The following PPP2R3A variants were observed in gnomAD, a reference collection of about 807,000 sequenced individuals.
PPP2R3A encodes the protein protein phosphatase 2 regulatory subunit B''alpha.
Under a neutral mutation model 106.9 loss-of-function variants are expected in PPP2R3A, and 80 were observed. The observed-to-expected ratio is 0.75, with a 90% CI of 0.62 to 0.90. The LOEUF is 0.90. Among genes scored for constraint, PPP2R3A ranks in the 40% least tolerant of loss-of-function variants. The pLI is 0.00. For missense variants in PPP2R3A, 1,386 were observed against 1,350.4 expected, an observed-to-expected ratio of 1.03 and a Z score of -0.41; for synonymous variants, 483 against 468.3, an observed-to-expected ratio of 1.03 and a Z score of -0.41.
chr3:136,057,772 G>C (rs916173807), intron 5 of PPP2R3A, among the ~76,000 whole-genome samples: 5 of 152,082 alleles, frequency 3.3e-5, no homozygotes, highest in Admixed American at 2.0e-4. Context: ...TGTTAGAATG[G>C]TTATTATCAA....
At chr3:136,090,866 G>T (rs1016108542) in intron 10 of PPP2R3A, among the ~76,000 whole-genome samples, 199 bp downstream of exon 10, 5 of 152,224 alleles carry the variant, frequency 3.3e-5, no homozygotes, top group Non-Finnish European at 5.9e-5. Flanking sequence ...CAAGAGAAGT[G>T]CTGTTACCCA....
At chr3:136,121,031 AT>A (rs1429539764) in intron 13 of PPP2R3A, among the ~76,000 whole-genome samples, 1 of 152,164 alleles carries the variant, frequency 6.6e-6, no homozygotes, top group Non-Finnish European at 1.5e-5. Flanking sequence ...CAGTTTGGAT[AT>A]TTTTCAAGGA....
At chr3:136,142,343 T>TC (rs1158466740) in intron 13 of PPP2R3A, among the ~76,000 whole-genome samples, 10 of 152,188 alleles carry the variant, frequency 6.6e-5, no homozygotes, top group Admixed American at 2.0e-4. Context: ...CAGACATGTC[T>TC]CCAGACATGC....
intron 5 of PPP2R3A, among the ~76,000 whole-genome samples, chr3:136,067,841 C>T (rs562171587): frequency 3.3e-5 from 5 of 152,284 alleles, no homozygotes; most frequent in South Asian, 2.1e-4. Flanking sequence ...ACAAAAGGTT[C>T]GTATACCAGA....
intron 1 of PPP2R3A, among the ~76,000 whole-genome samples, chr3:135,970,364 T>C (rs1371870082): frequency 6.6e-6 from 1 of 152,238 alleles, no homozygotes; most frequent in African/African-American, 2.4e-5. Context: ...AAAAGTTTTA[T>C]TTACTTGTAT....
At chr3:136,009,624 A>G (rs1178620677) in intron 2 of PPP2R3A, among the ~76,000 whole-genome samples, 1 of 152,128 alleles carries the variant, frequency 6.6e-6, no homozygotes, top group Admixed American at 6.5e-5. Context: ...TTACCTGGAC[A>G]CTTGATAGAA....
intron 13 of PPP2R3A, among the ~76,000 whole-genome samples, chr3:136,128,171 C>T (rs1214459110): frequency 1.6e-4 from 25 of 152,072 alleles, no homozygotes; most frequent in Non-Finnish European, 3.2e-4. Flanking sequence ...CAGTATTAAC[C>T]TTAAATATAA....
intron 1 of PPP2R3A, among the ~76,000 whole-genome samples, chr3:135,999,365 T>G (rs1465838278): frequency 6.6e-6 from 1 of 152,150 alleles, no homozygotes; most frequent in Non-Finnish European, 1.5e-5. Flanking sequence ...AGCTTTCTCT[T>G]AGACGCAGGA....
chr3:136,067,822 G>T (rs562549575), intron 5 of PPP2R3A, among the ~76,000 whole-genome samples: 1 of 152,304 alleles, frequency 6.6e-6, no homozygotes, highest in Admixed American at 6.5e-5. Flanking sequence ...AGGAGCCAGG[G>T]CTTCTTAGAC....
chr3:136,131,913 C>G (rs892227042), intron 13 of PPP2R3A, among the ~76,000 whole-genome samples: 4 of 146,958 alleles, frequency 2.7e-5, no homozygotes, highest in African/African-American at 1.0e-4. Flanking sequence ...GCCACAAGGA[C>G]AGAAAACCAA....
intron 1 of PPP2R3A, among the ~76,000 whole-genome samples, chr3:135,988,742 T>C (rs1397099590): frequency 6.6e-6 from 1 of 152,212 alleles, no homozygotes; most frequent in African/African-American, 2.4e-5. Context: ...ATCCATACTA[T>C]GAATTTCTCT....
intron 11 of PPP2R3A, among the ~76,000 whole-genome samples, chr3:136,102,851 G>T (rs1937412990): frequency 6.6e-6 from 1 of 152,202 alleles, no homozygotes; most frequent in East Asian, 1.9e-4. Flanking sequence ...TGAAAGCGGG[G>T]TTTGGGGGAT....
At chr3:136,063,498 G>C in intron 5 of PPP2R3A, among the ~76,000 whole-genome samples, 1 of 152,112 alleles carries the variant, frequency 6.6e-6, no homozygotes, top group Non-Finnish European at 1.5e-5. Context: ...CTATAGAATG[G>C]GAGAAAATTT....
At chr3:136,134,371 G>T (rs1938528245) in intron 13 of PPP2R3A, among the ~76,000 whole-genome samples, 1 of 152,122 alleles carries the variant, frequency 6.6e-6, no homozygotes, top group South Asian at 2.1e-4. Context: ...TAAATAATCA[G>T]AAATTTGGAT....
At chr3:136,094,686 A>G (rs1937175743) in intron 10 of PPP2R3A, among the ~76,000 whole-genome samples, 3 of 152,220 alleles carry the variant, frequency 2.0e-5, no homozygotes, top group Non-Finnish European at 4.4e-5. Context: ...AAAAAGAAAT[A>G]CATAACCTGA....
At chr3:136,000,203 T>G (rs1559860121) in intron 1 of PPP2R3A, among the ~76,000 whole-genome samples, 1 of 152,164 alleles carries the variant, frequency 6.6e-6, no homozygotes, top group African/African-American at 2.4e-5. Flanking sequence ...CCCCAACACA[T>G]GCCACCATAT....
intron 13 of PPP2R3A, among the ~76,000 whole-genome samples, chr3:136,120,362 C>T (rs958664422): frequency 4.6e-5 from 7 of 152,064 alleles, no homozygotes; most frequent in Non-Finnish European, 7.4e-5. Context: ...CCAAGGCAGA[C>T]AGATCACTTG....
At chr3:135,993,352 A>T (rs1302959756) in intron 1 of PPP2R3A, among the ~76,000 whole-genome samples, 1 of 152,224 alleles carries the variant, frequency 6.6e-6, no homozygotes, top group South Asian at 2.1e-4. Context: ...AATTAAAGCC[A>T]CAGTGGGATA....
intron 2 of PPP2R3A, among the ~76,000 whole-genome samples, chr3:136,015,383 A>G (rs546037543): frequency 1.1e-4 from 16 of 152,242 alleles, no homozygotes; most frequent in South Asian, 2.1e-4. Flanking sequence ...AATAGTTTCA[A>G]TAGGATTGGT....
Sources: gnomAD v4.1 joint callset for allele counts (sites outside exome capture counted in the v4.1 genomes callset) on GRCh38, gnomAD v4.1.1 for gene constraint, MANE v1.5 for transcripts, NCBI Gene and HGNC (gene_info 2026-07-23, HGNC 2026-07-21) for gene names.